Variants in GIMAP8 observed in about 807,000 individuals in gnomAD.
GIMAP8 encodes GTPase, IMAP family member 8, also known as GTPase IMAP family member 8.
A neutral mutation model predicts 35.6 loss-of-function variants in GIMAP8; 29 were observed. The ratio of observed to expected loss-of-function variants is 0.81; its 90% CI spans 0.61 to 1.11. The LOEUF (loss-of-function observed/expected upper bound fraction) is 1.11. Ranked by LOEUF, GIMAP8 falls within the 50% of genes most tolerant of loss-of-function variation. The pLI is 0.00. For synonymous variants in GIMAP8, 335 were observed against 308.7 expected (o/e 1.09, Z -0.89); for missense variants, 811 against 805.0 (o/e 1.01, Z -0.09).
At position 150,477,545 on chromosome 7, in the gene GIMAP8, G is replaced by A. The variant is rs200505163; in HGVS notation, c.1763G>A (p.Arg588Gln). 130 of 1,614,024 alleles carry A rather than the reference G, an allele frequency of 8.1e-5. 1 individual carries two copies. In the East Asian group the frequency reaches 1.2e-3, roughly 15 times the overall value. ...AAGAACTCAGATAACAAAGCCCTTC[G>A]GCGCATTTTTAAAAAGTGTGGGCGG... ...FMKNSDNKAL[R>Q]RIFKKCGRRV... Residue 588 changes from arginine (R) to glutamine (Q), a missense_variant, in exon 5 of 5, where the codon CGG becomes CAG. Arg to Gln is a conservative substitution (Grantham distance 43). Transcript: ENST00000307271.
chr7:150,469,909 G>A (rs1802051256), intron 2 of GIMAP8, among the ~76,000 whole-genome samples: 1 of 152,156 alleles, frequency 6.6e-6, no homozygotes, highest in Non-Finnish European at 1.5e-5. Flanking sequence ...TTCTACAGAT[G>A]TACAGAATGC....
chr7:150,470,963 A>ATTTTC, intron 3 of GIMAP8, 89 bp downstream of exon 3: 1 of 1,014,298 alleles, frequency 9.9e-7, no homozygotes, highest in Non-Finnish European at 1.5e-6. Flanking sequence ...CATTATCCAT[A>ATTTTC]TAAACCAGAA....
chr7:150,454,210 G>C (rs1008597254), intron 1 of GIMAP8, among the ~76,000 whole-genome samples: 1 of 151,842 alleles, frequency 6.6e-6, no homozygotes, highest in Non-Finnish European at 1.5e-5. Context: ...GTAGGGTCTC[G>C]TGACCACTAT....
chr7:150,462,109 G>A (rs1801856479), intron 1 of GIMAP8, among the ~76,000 whole-genome samples: 1 of 152,158 alleles, frequency 6.6e-6, no homozygotes, highest in African/African-American at 2.4e-5. Context: ...CTTAAGGGTA[G>A]GGGAGATTAT....
chr7:150,475,343 A>G (rs1802204942), intron 4 of GIMAP8, among the ~76,000 whole-genome samples: 1 of 152,238 alleles, frequency 6.6e-6, no homozygotes, highest in Non-Finnish European at 1.5e-5. Flanking sequence ...TGTTCTATGG[A>G]CTAACTCTTT....
chr7:150,468,097 C>T (rs2373749), intron 2 of GIMAP8, among the ~76,000 whole-genome samples: 42,642 of 152,064 alleles, frequency 0.28, 6,540 homozygotes, highest in East Asian at 0.41. Flanking sequence ...GCCAAGAAAT[C>T]ATCAGGTCTT....
At chr7:150,453,207 A>G (rs1194254463) in intron 1 of GIMAP8, among the ~76,000 whole-genome samples, 1 of 152,372 alleles carries the variant, frequency 6.6e-6, no homozygotes, top group East Asian at 1.9e-4. Flanking sequence ...CATTAGTGTG[A>G]GAGCTTCTCT....
At chr7:150,462,558 T>C (rs779893441) in intron 1 of GIMAP8, among the ~76,000 whole-genome samples, 4 of 152,226 alleles carry the variant, frequency 2.6e-5, no homozygotes, top group Non-Finnish European at 4.4e-5. Context: ...TTTTTGTTTG[T>C]ATGGGAAAGG....
intron 1 of GIMAP8, among the ~76,000 whole-genome samples, chr7:150,460,221 G>A (rs1207048541): frequency 6.6e-6 from 1 of 152,130 alleles, no homozygotes; most frequent in Non-Finnish European, 1.5e-5. Flanking sequence ...TCCACAGAAT[G>A]GGTCATTTTA....
At chr7:150,471,789 A>T (rs867521661) in intron 3 of GIMAP8, among the ~76,000 whole-genome samples, 2 of 152,122 alleles carry the variant, frequency 1.3e-5, no homozygotes, top group South Asian at 4.2e-4. Flanking sequence ...GTGAGCTGAG[A>T]TCATGCCACT....
At chr7:150,474,960 T>C (rs966647212) in intron 4 of GIMAP8, among the ~76,000 whole-genome samples, 4 of 151,162 alleles carry the variant, frequency 2.6e-5, no homozygotes, top group Non-Finnish European at 4.4e-5. Flanking sequence ...CACCTATGAG[T>C]GAGAATATGC....
rs1167767860 is a variant in GIMAP8 at position 150,470,810 on chromosome 7, T to C, written c.637-19T>C. On this transcript the variant is annotated intron_variant, in intron 2 of 4. Transcript: ENST00000307271. ...AGGTTTTAGATCTGTGTGCACTATT[T>C]TGTTCCTTTATTTTCTAGGATTGTG... is the stretch of plus-strand genomic sequence containing the variant. 6.4e-7 allele frequency: 1 copy of C among 1,563,900 alleles called. No homozygotes were observed. Among genetic ancestry groups the C allele is most frequent in the Admixed American group, 1.7e-5 (1 of 59,862 alleles).
intron 4 of GIMAP8, among the ~76,000 whole-genome samples, chr7:150,476,065 G>A (rs1036590872): frequency 6.6e-6 from 1 of 152,184 alleles, no homozygotes; most frequent in Non-Finnish European, 1.5e-5. Flanking sequence ...CCCTCTGTAG[G>A]TACAGAAGTA....
At chr7:150,465,889 T>C (rs1417396614) in intron 1 of GIMAP8, among the ~76,000 whole-genome samples, 2 of 152,236 alleles carry the variant, frequency 1.3e-5, no homozygotes, top group Non-Finnish European at 2.9e-5. Flanking sequence ...TTGAGTTTTA[T>C]AAAAATATCC....
intron 2 of GIMAP8, among the ~76,000 whole-genome samples, chr7:150,469,797 G>A (rs916066929): frequency 2.6e-5 from 4 of 152,018 alleles, no homozygotes; most frequent in Non-Finnish European, 5.9e-5. Context: ...GAAATAAACC[G>A]AAGATTGATC....
In GIMAP8 at chr7:150,472,929, G is replaced by A. The variant is rs148250604; in HGVS notation, c.683-1083G>A. On this transcript the variant is annotated intron_variant, in intron 3 of 4. Transcript: ENST00000307271. This position sits in a 1 kb window ranked among gnomAD's most constrained non-coding sequence, Gnocchi z 4.1. ...TGTGAAGCCTTCCATGCACACTTCCGTGCTAGTCAGGTCCTAAGGGCTTTA... is the reference window on the plus strand; with the variant it reads ...TGTGAAGCCTTCCATGCACACTTCCATGCTAGTCAGGTCCTAAGGGCTTTA... Among the ~76,000 whole-genome samples the A allele has an allele frequency of 2.5e-4, 38 of 152,338 alleles. No homozygotes were observed. In the East Asian group the frequency reaches 6.6e-3, roughly 26 times the overall value.
chr7:150,460,300 G>A (rs1474825969), intron 1 of GIMAP8, among the ~76,000 whole-genome samples: 2 of 152,118 alleles, frequency 1.3e-5, no homozygotes, highest in African/African-American at 2.4e-5. Context: ...ATTCATATGG[G>A]ACTAAATGTC....
chr7:150,473,879 A>G (rs932556985), intron 3 of GIMAP8, 133 bp from the exon 4 acceptor site: 4 of 876,470 alleles, frequency 4.6e-6, no homozygotes, highest in Non-Finnish European at 7.1e-6. Context: ...TCTGGCTGAG[A>G]GTAGAGTTCT....
chr7:150,455,099 T>C (rs890845276), intron 1 of GIMAP8, among the ~76,000 whole-genome samples: 6 of 146,868 alleles, frequency 4.1e-5, no homozygotes, highest in African/African-American at 1.5e-4. Flanking sequence ...GATCGTGCCA[T>C]TGCACTTCAG....
Sources: gnomAD v4.1 joint callset for allele counts (sites outside exome capture counted in the v4.1 genomes callset) on GRCh38, gnomAD v4.1.1 for gene constraint, Gnocchi (gnomAD v3.1) non-coding constraint, MANE v1.5 for transcripts, NCBI Gene and HGNC (gene_info 2026-07-23, HGNC 2026-07-21) for gene names.